DOCK8: variants seen among roughly 807,000 people sequenced by gnomAD.
DOCK8 encodes dedicator of cytokinesis protein 8.
In DOCK8, 141 loss-of-function variants were observed where a neutral mutation model predicts 245.6. That is an observed-to-expected ratio of 0.57 (90% CI 0.50 to 0.66). The LOEUF is 0.66. DOCK8 is among the 30% of genes least tolerant of loss of function. DOCK8 has a pLI of 0.00. For missense variants in DOCK8, 2,965 were observed against 2,603.4 expected, an observed-to-expected ratio of 1.14 and a Z score of -3.02; for synonymous variants, 1,168 against 970.2, an observed-to-expected ratio of 1.20 and a Z score of -3.79.
chr9:270,216 A>C (rs560608), intron 1 of DOCK8, among the ~76,000 whole-genome samples: 72,387 of 151,880 alleles, frequency 0.48, 17,591 homozygotes, highest in East Asian at 0.79. Flanking sequence ...TTAAGGAGCA[A>C]AATGTATGCT....
intron 46 of DOCK8, chr9:454,620 G>A (rs1238061583): frequency 6.6e-6 from 1 of 152,286 alleles, no homozygotes; most frequent in Admixed American, 6.5e-5. Flanking sequence ...GGACAAGGAG[G>A]AAAGATTGGA....
chr9:211,670 GA>G (rs1299550830), upstream of DOCK8, among the ~76,000 whole-genome samples: 1 of 152,058 alleles, frequency 6.6e-6, no homozygotes, highest in Non-Finnish European at 1.5e-5. Context: ...GACACAGGAG[GA>G]AAAAAAGTTA....
rs1453374234 is a variant in DOCK8, at chr9:404,796, C to T, written c.3235-122C>T. 9 of 999,350 alleles carry T rather than the reference C, an allele frequency of 9.0e-6. No homozygotes were observed. In the South Asian group the frequency reaches 9.6e-5, roughly 11 times the overall value. The allele number at this position is 999,350 out of a possible 1,614,324, so 61.9% of individuals were successfully genotyped here. A position where few individuals can be genotyped will look rare whatever the true frequency, so the allele number is the denominator to read the frequency against. The stretch of plus-strand genomic sequence containing the variant: ...GAATTTACCATCTGTTGCACTATCC[C>T]ATTAGTTTTTATTAAATTGATTGCC... On this transcript the variant is annotated intron_variant, in intron 26 of 47. Transcript: ENST00000432829.
At chr9:279,868 C>G (rs144399174) in intron 2 of DOCK8, among the ~76,000 whole-genome samples, 1 of 152,314 alleles carries the variant, frequency 6.6e-6, no homozygotes, top group East Asian at 1.9e-4. Context: ...AGTGCTGTAA[C>G]GAGGCAGCCA....
At chr9:226,594 G>A (rs761559696) in intron 1 of DOCK8, among the ~76,000 whole-genome samples, 4 of 151,994 alleles carry the variant, frequency 2.6e-5, no homozygotes, top group Non-Finnish European at 5.9e-5. Flanking sequence ...TAGGGCTGAC[G>A]AATTAGATAT....
At chr9:344,074 G>C (rs1427103282) in intron 14 of DOCK8, among the ~76,000 whole-genome samples, 1 of 151,896 alleles carries the variant, frequency 6.6e-6, no homozygotes, top group Non-Finnish European at 1.5e-5. Flanking sequence ...CACAAATACA[G>C]AGTTAATCTT....
chr9:239,437 A>G (rs1292595102), intron 1 of DOCK8, among the ~76,000 whole-genome samples: 1 of 152,224 alleles, frequency 6.6e-6, no homozygotes, highest in Admixed American at 6.5e-5. Flanking sequence ...GAGCCACTTA[A>G]GTAATGTATG....
chr9:215,026 A>G lies in DOCK8; in HGVS notation c.50A>G (p.Asn17Ser), dbSNP rs1291124124. The stretch of plus-strand genomic sequence containing the variant: ...CGCCGCGCGTTCGCGCTCAAGATCA[A>G]CAGGTAAGACGCCCCCCGCGGCGCG... ...AERRAFALKI[N>S]RYSSAEIRKQ... Residue 17 changes from asparagine (N) to serine (S), a missense_variant, in exon 1 of 48, where the codon AAC (asparagine) becomes AGC (serine). Coordinates refer to ENST00000432829, the MANE Select transcript of DOCK8 (RefSeq NM_203447.4). The G allele has an allele frequency of 3.8e-6, 6 of 1,584,920 alleles. No homozygotes were observed. Among genetic ancestry groups the G allele is most frequent in the Admixed American group, 1.7e-5 (1 of 58,144 alleles).
chr9:305,488 T>C (rs967888795), intron 5 of DOCK8, among the ~76,000 whole-genome samples: 2 of 152,110 alleles, frequency 1.3e-5, no homozygotes, highest in East Asian at 1.9e-4. Flanking sequence ...GGTTTCACCG[T>C]GTTAGTCAGG....
At chr9:314,974 C>T (rs74424048) in intron 6 of DOCK8, among the ~76,000 whole-genome samples, 5,098 of 152,208 alleles carry the variant, frequency 0.033, 123 homozygotes, top group South Asian at 0.092. Context: ...CTACAAAAGG[C>T]GGTTATTCTA....
At chr9:408,911 C>G (rs1387609889) in intron 28 of DOCK8, among the ~76,000 whole-genome samples, 1 of 150,640 alleles carries the variant, frequency 6.6e-6, no homozygotes, top group Non-Finnish European at 1.5e-5. Context: ...TGCACATGCA[C>G]ACACACAGTA....
intron 14 of DOCK8, among the ~76,000 whole-genome samples, chr9:361,757 C>G (rs1051603487): frequency 6.6e-6 from 1 of 151,866 alleles, no homozygotes; most frequent in African/African-American, 2.4e-5. Context: ...TGTTTCAGGC[C>G]GTATATTGAA....
intron 1 of DOCK8, among the ~76,000 whole-genome samples, chr9:220,550 G>A (rs969535588): frequency 6.6e-6 from 1 of 152,080 alleles, no homozygotes; most frequent in Non-Finnish European, 1.5e-5. Context: ...ACCGTGAGAA[G>A]GTAGGGATGT....
At chr9:293,336 G>T (rs569465382) in intron 4 of DOCK8, among the ~76,000 whole-genome samples, 5 of 152,216 alleles carry the variant, frequency 3.3e-5, no homozygotes, top group Non-Finnish European at 7.3e-5. Context: ...TCTGTGGGGA[G>T]AATCCAGTAC....
At position 334,184 on chromosome 9, in the gene DOCK8, C is replaced by T. The variant is rs749242881; in HGVS notation, c.1126-41C>T. On this transcript the variant is annotated intron_variant, in intron 10 of 47. Transcript: ENST00000432829. ...CAGGTCAGAGGCAGTTGACTTGGTG[C>T]TGATGCTTGTTTCAGCTTGTTTCTT... 3.7e-6 allele frequency: 6 copies of T among 1,612,750 alleles called. No homozygotes were observed. In the South Asian group the frequency reaches 5.5e-5, roughly 15 times the overall value.
At chr9:250,130 A>G (rs1270627237) in intron 1 of DOCK8, among the ~76,000 whole-genome samples, 1 of 152,194 alleles carries the variant, frequency 6.6e-6, no homozygotes, top group Non-Finnish European at 1.5e-5. Context: ...GTCCTGGCAC[A>G]AGCATTTATC....
At chr9:333,475 C>T (rs1265792276) in intron 10 of DOCK8, among the ~76,000 whole-genome samples, 2 of 152,084 alleles carry the variant, frequency 1.3e-5, no homozygotes, top group Admixed American at 6.5e-5. Flanking sequence ...GTGGCACGTG[C>T]CTGTATTCCC....
At chr9:312,299 G>A (rs775366988) in intron 6 of DOCK8, 133 bp downstream of exon 6, 18 of 1,063,676 alleles carry the variant, frequency 1.7e-5, no homozygotes, top group Middle Eastern at 2.0e-4. Context: ...CTGGGGCCTC[G>A]TTTTTCACTC....
chr9:268,185 A>T (rs2048077653), intron 1 of DOCK8: 1 of 152,176 alleles, frequency 6.6e-6, no homozygotes, highest in African/African-American at 2.4e-5. Flanking sequence ...ACGTGGAATG[A>T]TTCACTATTT....
Sources: allele counts gnomAD v4.1 joint callset (sites outside exome capture counted in the v4.1 genomes callset), GRCh38; gene constraint gnomAD v4.1.1; transcripts MANE v1.5; gene names NCBI Gene and HGNC (gene_info 2026-07-23, HGNC 2026-07-21).